The following DMBT1 variants were observed in gnomAD, a reference collection of about 807,000 sequenced individuals.
The protein encoded by DMBT1 is deleted in malignant brain tumors 1.
DMBT1 carries 198 observed loss-of-function variants against 252.9 expected under a neutral mutation model. That is an observed-to-expected ratio of 0.78 (90% CI 0.70 to 0.88). The LOEUF is 0.88. Ranked by LOEUF, DMBT1 falls within the 40% of genes least tolerant of loss-of-function variation. The pLI is 0.00. For missense variants in DMBT1, 2,432 were observed against 2,404.7 expected (o/e 1.01, Z -0.24); for synonymous variants, 990 against 942.7 (o/e 1.05, Z -0.92).
chr10:122,565,598 G>T (rs1169058126), intron 1 of DMBT1, among the ~76,000 whole-genome samples: 1 of 81,732 alleles, frequency 1.2e-5, no homozygotes. Context: ...GGTCATCTGA[G>T]TGGCTGTTGT....
At chr10:122,580,930 T>C in intron 11 of DMBT1, 35 bp downstream of exon 11, 1 of 1,612,624 alleles carries the variant, frequency 6.2e-7, no homozygotes. Context: ...AAATGTCCCT[T>C]CTCTTTCTGC....
rs1298928395 is a variant in DMBT1, at chr10:122,590,837, C to A, written c.2137+143C>A. The A allele has an allele frequency of 7.5e-6, 8 of 1,070,436 alleles. No homozygotes were observed. In the African/African-American group the frequency reaches 7.5e-5, roughly 10 times the overall value. The allele number at this position is 1,070,436 out of a possible 1,614,324, so 66.3% of individuals were successfully genotyped here. Reference sequence around the variant, plus strand: ...CCCTGCTCTGTAACTGAGACCCTAGCATGGAGCTTCTTAACCAGACATGGT... The same window carrying A: ...CCCTGCTCTGTAACTGAGACCCTAGAATGGAGCTTCTTAACCAGACATGGT... On this transcript the variant is annotated intron_variant, in intron 18 of 55. Transcript: ENST00000338354.
chr10:122,617,560 G>T (rs772821176), intron 40 of DMBT1, among the ~76,000 whole-genome samples: 3 of 151,570 alleles, frequency 2.0e-5, no homozygotes, highest in Non-Finnish European at 4.4e-5. Context: ...CTGGCCCTCT[G>T]ACCACGCACT....
Position 122,589,258 on chromosome 10 carries a change from A to T in DMBT1, c.2098A>T (p.Ile700Phe). 6.3e-7 allele frequency: 1 copy of T among 1,588,560 alleles called. No homozygotes were observed. The highest frequency in any genetic ancestry group is 1.2e-5 in the South Asian group (1 of 86,954). ...NCGHHEDAGVICSAAQSRSTP... is the reference protein window; with the variant it reads ...NCGHHEDAGVFCSAAQSRSTP... Reference sequence around the variant, plus strand: ...TGGCCATCATGAAGATGCTGGTGTCATCTGCTCAGGTGGGCCTCCAGCAAT... The same window carrying T: ...TGGCCATCATGAAGATGCTGGTGTCTTCTGCTCAGGTGGGCCTCCAGCAAT... Residue 700 changes from isoleucine to phenylalanine, a missense_variant, in exon 17 of 56, where the codon ATC (isoleucine) becomes TTC (phenylalanine). Ile to Phe is a conservative substitution (Grantham distance 21, BLOSUM62 0). Around this residue, in one of 3 missense-constraint regions of DMBT1, gnomAD observed 1,264 missense variants for 1,082.2 expected, o/e 1.17. Coordinates refer to ENST00000338354, the MANE Select transcript of DMBT1 (RefSeq NM_001377530.1).
intron 53 of DMBT1, among the ~76,000 whole-genome samples, chr10:122,636,692 A>C (rs2133691800): frequency 6.6e-6 from 1 of 152,346 alleles, no homozygotes; most frequent in African/African-American, 2.4e-5. Context: ...GTATGGACTG[A>C]TATGTAGAAT....
At chr10:122,641,488 G>A (rs1267447645) in intron 55 of DMBT1, among the ~76,000 whole-genome samples, 1 of 152,190 alleles carries the variant, frequency 6.6e-6, no homozygotes, top group East Asian at 1.9e-4. Context: ...TCCAGGCACA[G>A]TGTGAACATA....
intron 2 of DMBT1, among the ~76,000 whole-genome samples, chr10:122,568,766 A>G (rs2097628719): frequency 6.6e-6 from 1 of 152,168 alleles, no homozygotes; most frequent in Non-Finnish European, 1.5e-5. Context: ...GGCGGGGCCC[A>G]CTTTGGTCAG....
At chr10:122,627,931 T>C (rs1423361763) in intron 46 of DMBT1, among the ~76,000 whole-genome samples, 2 of 152,172 alleles carry the variant, frequency 1.3e-5, no homozygotes, top group African/African-American at 2.4e-5. Flanking sequence ...AGAGAAGGCA[T>C]TGGAAAGATG....
chr10:122,576,594 G>A lies in DMBT1; in HGVS notation c.479G>A (p.Gly160Asp), dbSNP rs776302731. 4.4e-5 allele frequency: 71 copies of A among 1,613,770 alleles called. No individual in the cohort carries two copies. Among genetic ancestry groups the A allele is most frequent in the Non-Finnish European group, 5.5e-5 (65 of 1,179,820 alleles). The change falls in exon 7 of 56, where the codon GGC (glycine) becomes GAC (aspartate). Residue 160 changes from glycine to aspartate, a missense_variant. Around this residue, in one of 3 missense-constraint regions of DMBT1, gnomAD observed 1,264 missense variants for 1,082.2 expected, o/e 1.17. Coordinates refer to ENST00000338354, the MANE Select transcript of DMBT1 (RefSeq NM_001377530.1). ...CCAGGAAATGCCTGGTTTGGCCAGG[G>A]CTCAGGACCCATTGCCCTGGATGAT... ...SAPGNAWFGQ[G>D]SGPIALDDVR...
At chr10:122,619,279 G>T (rs2098036977) in intron 41 of DMBT1, 29 bp from the exon 42 acceptor site, 1 of 1,613,734 alleles carries the variant, frequency 6.2e-7, no homozygotes, top group Admixed American at 1.7e-5. Flanking sequence ...TAGTGCATCT[G>T]ATCTGACCTT....
intron 41 of DMBT1, 80 bp downstream of exon 41, chr10:122,618,420 C>G (rs1432483676): frequency 6.2e-7 from 1 of 1,604,092 alleles, no homozygotes; most frequent in African/African-American, 1.3e-5. Flanking sequence ...TTCTGATCTC[C>G]TCACTCAAAG....
chr10:122,639,780 A>G (rs1331265389), intron 54 of DMBT1, among the ~76,000 whole-genome samples: 1 of 152,224 alleles, frequency 6.6e-6, no homozygotes, highest in Non-Finnish European at 1.5e-5. Context: ...AAGTCAGAAA[A>G]TGTACGCTAA....
intron 46 of DMBT1, among the ~76,000 whole-genome samples, chr10:122,627,934 G>A (rs570269097): frequency 1.1e-4 from 17 of 152,350 alleles, no homozygotes; most frequent in Non-Finnish European, 1.9e-4. Context: ...GAAGGCATTG[G>A]AAAGATGCTC....
rs1347864425 is a variant in DMBT1, at chr10:122,589,046, A to G, written c.1886A>G (p.Asp629Gly). ...YRGSWGTVCDDSWDTNDANVV... is the reference protein window; with the variant it reads ...YRGSWGTVCDGSWDTNDANVV... ...GGCTCTTGGGGCACCGTGTGTGATG[A>G]CAGCTGGGACACCAATGATGCCAAT... Residue 629 changes from aspartate to glycine, a missense_variant, in exon 17 of 56, where the codon GAC (aspartate) becomes GGC (glycine). This residue lies in a region of DMBT1 where 1,264 missense variants were observed against 1,082.2 expected (regional missense o/e 1.17). Coordinates refer to ENST00000338354, the MANE Select transcript of DMBT1 (RefSeq NM_001377530.1). The G allele has an allele frequency of 1.1e-5, 18 of 1,588,682 alleles. 3 individuals are homozygous for G. The highest frequency in any genetic ancestry group is 1.5e-5 in the Non-Finnish European group (18 of 1,165,944).
chr10:122,587,274 G>A (rs1464632377), intron 16 of DMBT1, among the ~76,000 whole-genome samples: 1 of 148,440 alleles, frequency 6.7e-6, no homozygotes, highest in African/African-American at 2.4e-5. Flanking sequence ...GCTCATGCTG[G>A]GAAGGGAGGG....
intron 1 of DMBT1, among the ~76,000 whole-genome samples, chr10:122,564,799 T>A (rs2097576347): frequency 6.6e-6 from 1 of 152,240 alleles, no homozygotes; most frequent in African/African-American, 2.4e-5. Context: ...GATATCATCA[T>A]CTGAAGACTC....
intron 44 of DMBT1, among the ~76,000 whole-genome samples, chr10:122,623,726 TAGATACTAA>T (rs1244200932): frequency 6.6e-6 from 1 of 152,238 alleles, no homozygotes; most frequent in Non-Finnish European, 1.5e-5. Context: ...CTTCATTTTA[TAGATACTAA>T]GCTGAAGGCC....
Position 122,567,205 on chromosome 10 carries a change from C to T in DMBT1, c.91+1209C>T, listed in dbSNP as rs144194888. Among the ~76,000 whole-genome samples the T allele has an allele frequency of 8.0e-3, 1,223 of 152,306 alleles. 14 individuals are homozygous for T. The highest frequency in any genetic ancestry group is 0.012 in the Non-Finnish European group (816 of 68,016). ...TGACCAACACAGAGCAAGGGAGAGG[C>T]TGAGGCAGGGAGACCGAGCACTCTC... On this transcript the variant is annotated intron_variant, in intron 2 of 55. Coordinates refer to ENST00000338354, the MANE Select transcript of DMBT1 (RefSeq NM_001377530.1).
intron 46 of DMBT1, among the ~76,000 whole-genome samples, chr10:122,629,147 C>CT (rs956453903): frequency 6.6e-6 from 1 of 152,134 alleles, no homozygotes; most frequent in African/African-American, 2.4e-5. Context: ...CTGGCACTCT[C>CT]TAAGAGTTTA....
Sources: gnomAD v4.1 joint callset for allele counts (sites outside exome capture counted in the v4.1 genomes callset) on GRCh38, gnomAD v4.1.1 for gene constraint, gnomAD v4.1.1 regional missense constraint, MANE v1.5 for transcripts, NCBI Gene and HGNC (gene_info 2026-07-23, HGNC 2026-07-21) for gene names.